LRPAP1: variants seen among roughly 807,000 people sequenced by gnomAD.
LRPAP1 encodes the protein LDL receptor related protein associated protein 1, also known as alpha-2-macroglobulin receptor-associated protein.
LRPAP1 carries 41 observed loss-of-function variants against 39.9 expected under a neutral mutation model. That is an observed-to-expected ratio of 1.03 (90% confidence interval 0.80 to 1.33). The LOEUF (loss-of-function observed/expected upper bound fraction) is 1.33, where lower values mean the gene tolerates loss of function less well. LRPAP1 is among the 40% of genes most tolerant of loss of function. The probability of loss-of-function intolerance (pLI) is 0.00; values close to 1 mark genes in which losing one functional copy is unlikely to be tolerated. For synonymous variants in LRPAP1, 263 were observed against 212.7 expected (o/e 1.24, Z -2.06); for missense variants, 565 against 482.3 (o/e 1.17, Z -1.61).
In LRPAP1 at chr4:3,504,842, G is replaced by A. The variant is rs966349714; in HGVS notation, c.*8132C>T. Among the ~76,000 whole-genome samples the A allele has an allele frequency of 1.1e-4, 17 of 152,054 alleles. No homozygotes were observed. Among genetic ancestry groups the A allele is most frequent in the African/African-American group, 4.1e-4 (17 of 41,398 alleles). On this transcript the variant is annotated 3_prime_UTR_variant, in exon 8 of 8. Coordinates refer to ENST00000650182, the MANE Select transcript of LRPAP1 (RefSeq NM_002337.4). ...GGTGCCCATAATCCCAGCTACTTGGGAGGCTGAGGCAGGGGAATCGCATGA... is the reference window on the plus strand; with the variant it reads ...GGTGCCCATAATCCCAGCTACTTGGAAGGCTGAGGCAGGGGAATCGCATGA...
rs1461089563 is a variant in LRPAP1, at chr4:3,511,815, G to GCTCAGACA, written c.*1151_*1158dup. On this transcript the variant is annotated 3_prime_UTR_variant, in exon 8 of 8. Coordinates refer to ENST00000650182, the MANE Select transcript of LRPAP1 (RefSeq NM_002337.4). ...AGAGCCGGACCCGAGCCTCTTCCAG[G>GCTCAGACA]CTCAGACACGGGAAGGGAACCACGC... 7.1e-6 allele frequency: 1 copy of GCTCAGACA among 141,690 alleles called. No individual in the cohort carries two copies. Among genetic ancestry groups the GCTCAGACA allele is most frequent in the Non-Finnish European group, 1.5e-5 (1 of 65,420 alleles). The allele number at this position is 141,690 out of a possible 1,614,324, so 8.8% of individuals were successfully genotyped here.
At position 3,505,542 on chromosome 4, in the gene LRPAP1, C is replaced by G. The variant is rs1225998436; in HGVS notation, c.*7432G>C. 2.0e-5 allele frequency among the ~76,000 whole-genome samples: 3 copies of G among 152,238 alleles called. No homozygotes were observed. The highest frequency in any genetic ancestry group is 4.4e-5 in the Non-Finnish European group (3 of 68,030). ...GGAACGTCCCCTGCATCCCCAACCA[C>G]ACCTGGCACAACACCATGGCTGAGG... is the stretch of plus-strand genomic sequence containing the variant. On this transcript the variant is annotated 3_prime_UTR_variant, in exon 8 of 8. Coordinates refer to ENST00000650182, the MANE Select transcript of LRPAP1 (RefSeq NM_002337.4).
Position 3,512,037 on chromosome 4 carries a change from G to A in LRPAP1, c.*937C>T, listed in dbSNP as rs1347419171. 1.2e-4 allele frequency: 10 copies of A among 81,262 alleles called. No individual in the cohort carries two copies. Among genetic ancestry groups the A allele is most frequent in the East Asian group, 7.4e-4 (2 of 2,710 alleles). The allele number at this position is 81,262 out of a possible 1,614,324, so 5.0% of individuals were successfully genotyped here. A position where few individuals can be genotyped will look rare whatever the true frequency, so the allele number is the denominator to read the frequency against. On this transcript the variant is annotated 3_prime_UTR_variant, in exon 8 of 8. Transcript: ENST00000650182. ...CCGAGCCTCTTCCAGGCTCAGACAC[G>A]GGAAGGGAACCACGCTCGGAGCCGG...
chr4:3,531,268 C>A (rs1239536591), intron 1 of LRPAP1, among the ~76,000 whole-genome samples: 7 of 152,112 alleles, frequency 4.6e-5, no homozygotes, highest in Non-Finnish European at 1.0e-4. Flanking sequence ...AACCGTCTGT[C>A]GTCTGTCTGT....
At chr4:3,529,963 A>G (rs930870665) in intron 1 of LRPAP1, among the ~76,000 whole-genome samples, 2 of 152,226 alleles carry the variant, frequency 1.3e-5, no homozygotes, top group Admixed American at 1.3e-4. Flanking sequence ...CAGTGGCTGC[A>G]GAGCCGGGCA....
In LRPAP1 at chr4:3,510,118, C is replaced by A. The variant is rs1256589737; in HGVS notation, c.*2856G>T. ...CCTCGATTCAGGGTTTATTATAAAC[C>A]CAACTGTAGCCAAGACAGTGTGGCG... On this transcript the variant is annotated 3_prime_UTR_variant, in exon 8 of 8. Transcript: ENST00000650182. The A allele has an allele frequency of 2.0e-5, 3 of 151,986 alleles. No homozygotes were observed. Among genetic ancestry groups the A allele is most frequent in the Non-Finnish European group, 4.4e-5 (3 of 68,010 alleles). 9.4% of individuals were successfully genotyped at this position (151,986 alleles called of 1,614,324 possible).
At chr4:3,523,828 A>G (rs576381472) in intron 2 of LRPAP1, among the ~76,000 whole-genome samples, 13 of 152,262 alleles carry the variant, frequency 8.5e-5, no homozygotes, top group African/African-American at 2.9e-4. Flanking sequence ...CGACAGCAAC[A>G]AGTGCGATGG....
intron 6 of LRPAP1, among the ~76,000 whole-genome samples, chr4:3,515,606 C>A (rs545592504): frequency 1.3e-5 from 2 of 152,244 alleles, no homozygotes; most frequent in East Asian, 3.9e-4. Context: ...CCACCCAGGA[C>A]CCCCGATGGA....
At chr4:3,514,956 T>C in intron 6 of LRPAP1, 28 bp from the exon 7 acceptor site, 1 of 1,609,584 alleles carries the variant, frequency 6.2e-7, no homozygotes, top group South Asian at 1.1e-5. Context: ...TAGGTGAGTG[T>C]TCCCTTCCCG....
In LRPAP1 at chr4:3,504,049, T is replaced by G. The variant is rs2108682135; in HGVS notation, c.*8925A>C. 1 of 152,406 alleles carries G rather than the reference T, an allele frequency of 6.6e-6. No homozygotes were observed. The highest frequency in any genetic ancestry group is 2.1e-4 in the South Asian group (1 of 4,826). The allele number at this position is 152,406 out of a possible 1,614,324, so 9.4% of individuals were successfully genotyped here. ...GCTCCAGCCCAGCCTCAGGTGAGAG[T>G]GAAGGGAGCACCTATCTGCAGCAAG... is the stretch of plus-strand genomic sequence containing the variant. On this transcript the variant is annotated 3_prime_UTR_variant, in exon 8 of 8. Transcript: ENST00000650182.
chr4:3,519,532 C>G (rs1729843489), intron 3 of LRPAP1, among the ~76,000 whole-genome samples: 1 of 152,230 alleles, frequency 6.6e-6, no homozygotes, highest in South Asian at 2.1e-4. Context: ...CTGTTGACCC[C>G]AAATCAATGT....
chr4:3,519,927 G>T, intron 3 of LRPAP1, 145 bp downstream of exon 3: 1 of 852,162 alleles, frequency 1.2e-6, no homozygotes. Flanking sequence ...ACAGTGGAAT[G>T]GCTTCCTTAG....
rs1729502626 is a variant in LRPAP1, at chr4:3,511,285, G to A, written c.*1689C>T. 1 of 147,902 alleles carries A rather than the reference G, an allele frequency of 6.8e-6. No individual in the cohort carries two copies. The highest frequency in any genetic ancestry group is 2.0e-4 in the East Asian group (1 of 4,910). The allele number at this position is 147,902 out of a possible 1,614,324, so 9.2% of individuals were successfully genotyped here. ...TCACCACAGCTATTTCCAAGTGAGT[G>A]TTATTACCCCAGAAAGGAAGCAACT... On this transcript the variant is annotated 3_prime_UTR_variant, in exon 8 of 8. Coordinates refer to ENST00000650182, the MANE Select transcript of LRPAP1 (RefSeq NM_002337.4).
At chr4:3,528,913 C>T (rs1269377625) in intron 1 of LRPAP1, among the ~76,000 whole-genome samples, 2 of 152,192 alleles carry the variant, frequency 1.3e-5, no homozygotes, top group Non-Finnish European at 2.9e-5. Context: ...CGCTTGAGAG[C>T]TGGGGTGGGG....
intron 3 of LRPAP1, among the ~76,000 whole-genome samples, chr4:3,519,203 AACAGGGG>A (rs1369216850): frequency 6.6e-6 from 1 of 152,180 alleles, no homozygotes; most frequent in Non-Finnish European, 1.5e-5. Flanking sequence ...GTCCAGGCTC[AACAGGGG>A]ACAGCTACCG....
At chr4:3,515,068 G>C in intron 6 of LRPAP1, 140 bp from the exon 7 acceptor site, 1 of 916,426 alleles carries the variant, frequency 1.1e-6, no homozygotes, top group South Asian at 1.6e-5. Flanking sequence ...TGGGCAATGA[G>C]GGGGCGGCAG....
In LRPAP1 at chr4:3,504,949, G is replaced by GA. The variant is rs776118903; in HGVS notation, c.*8024dup. On this transcript the variant is annotated 3_prime_UTR_variant, in exon 8 of 8. Coordinates refer to ENST00000650182, the MANE Select transcript of LRPAP1 (RefSeq NM_002337.4). ...GCGACAGAGCAAGACTCCGTCTCAA[G>GA]AAAAAAATAAATAACAAAGAACAGA... Among the ~76,000 whole-genome samples, 2 of 76,262 alleles carry GA rather than the reference G, an allele frequency of 2.6e-5. No homozygotes were observed. Among genetic ancestry groups the GA allele is most frequent in the Admixed American group, 1.8e-4 (1 of 5,674 alleles). The allele number at this position is 76,262 out of a possible 152,430, so 50.0% of individuals were successfully genotyped here.
At chr4:3,514,508 GC>G (rs1359176905) in intron 7 of LRPAP1, among the ~76,000 whole-genome samples, 2 of 152,246 alleles carry the variant, frequency 1.3e-5, no homozygotes, top group Non-Finnish European at 2.9e-5. Context: ...GCAGTGGCCC[GC>G]CGGGGCCTGC....
chr4:3,531,262 G>A (rs1032429083), intron 1 of LRPAP1, among the ~76,000 whole-genome samples: 1 of 152,066 alleles, frequency 6.6e-6, no homozygotes, highest in African/African-American at 2.4e-5. Context: ...TCTTATAACC[G>A]TCTGTCGTCT....
Sources: allele counts gnomAD v4.1 joint callset (sites outside exome capture counted in the v4.1 genomes callset), GRCh38; gene constraint gnomAD v4.1.1; transcripts MANE v1.5; gene names NCBI Gene and HGNC (gene_info 2026-07-23, HGNC 2026-07-21).